Variants in FANCD2OS observed in about 807,000 individuals in gnomAD.
FANCD2OS encodes FANCD2 opposite strand protein.
A neutral mutation model predicts 13.2 loss-of-function variants in FANCD2OS; 11 were observed. The ratio of observed to expected loss-of-function variants is 0.83; its 90% CI spans 0.52 to 1.38. FANCD2OS has a LOEUF of 1.38. FANCD2OS is among the 40% of genes most tolerant of loss of function. The pLI, the probability that FANCD2OS is intolerant of heterozygous loss-of-function variation, is 0.00. For missense variants in FANCD2OS, 217 were observed against 213.9 expected (o/e 1.01, Z -0.09); for synonymous variants, 69 against 84.5 (o/e 0.82, Z 1.01).
intron 2 of FANCD2OS, chr3:10,088,329 A>G (rs1694360068): frequency 1.3e-6 from 1 of 764,054 alleles, no homozygotes; most frequent in African/African-American, 1.7e-5. Context: ...TTAGACCGGG[A>G]ACGTCTTAGT....
chr3:10,104,250 G>T lies in FANCD2OS; in HGVS notation c.525C>A (p.His175Gln). The change falls in exon 2 of 2, where the codon CAC (histidine) becomes CAA (glutamine). Residue 175 changes from histidine (H) to glutamine (Q), a missense_variant. His to Gln is a conservative substitution (Grantham distance 24). Coordinates refer to ENST00000450660, the MANE Select transcript of FANCD2OS (RefSeq NM_001164839.2). ...ATCAAATGAGGACCCTTTACTTGGA[G>T]TGCTGCAAGGCAAAGGTGCACTTTT... ...TYKKCTFALQHSK is the reference protein window; with the variant it reads ...TYKKCTFALQQSK The T allele has an allele frequency of 6.2e-7, 1 of 1,606,262 alleles. No homozygotes were observed. Among genetic ancestry groups the T allele is most frequent in the Non-Finnish European group, 8.5e-7 (1 of 1,175,564 alleles).
intron 2 of FANCD2OS, among the ~76,000 whole-genome samples, chr3:10,090,065 A>G (rs183259704): frequency 1.3e-5 from 2 of 152,312 alleles, no homozygotes; most frequent in African/African-American, 2.4e-5. Context: ...TGCTTTTTCC[A>G]TACTACCATA....
At chr3:10,086,041 G>T in intron 2 of FANCD2OS, 1 of 728,148 alleles carries the variant, frequency 1.4e-6, no homozygotes, top group East Asian at 2.6e-5. Flanking sequence ...ATTATTTTCA[G>T]CTACTCTCCT....
chr3:10,100,877 C>A (rs867730697), downstream of FANCD2OS, among the ~76,000 whole-genome samples: 2 of 151,966 alleles, frequency 1.3e-5, no homozygotes, highest in African/African-American at 4.8e-5. Flanking sequence ...TGAGACCAGC[C>A]TTGCCAATGT....
intron 2 of FANCD2OS, chr3:10,092,308 C>G: frequency 7.4e-7 from 1 of 1,355,338 alleles, no homozygotes; most frequent in Non-Finnish European, 1.1e-6. Context: ...AACCAAGTGT[C>G]CTGGCTTCCA....
At chr3:10,101,071 A>C, downstream of FANCD2OS, 1 of 799,142 alleles carries the variant, frequency 1.3e-6, no homozygotes, top group Non-Finnish European at 2.1e-6. Context: ...CCTTTAAAAA[A>C]AAAAAAAAGT....
downstream of FANCD2OS, among the ~76,000 whole-genome samples, chr3:10,100,521 G>A (rs568224246): frequency 1.3e-5 from 2 of 152,270 alleles, no homozygotes; most frequent in South Asian, 4.1e-4. Flanking sequence ...ACAGGTGCCT[G>A]CAACCATGCC....
chr3:10,101,241 G>A (rs778969666), downstream of FANCD2OS: 2 of 1,612,754 alleles, frequency 1.2e-6, no homozygotes, highest in Non-Finnish European at 1.7e-6. Flanking sequence ...ATAGTGATGA[G>A]AGTTATGATG....
At chr3:10,086,447 G>A (rs1694207919) in intron 2 of FANCD2OS, among the ~76,000 whole-genome samples, 1 of 152,094 alleles carries the variant, frequency 6.6e-6, no homozygotes, top group African/African-American at 2.4e-5. Flanking sequence ...CACTGGGTCA[G>A]CAGTCAGTGC....
intron 2 of FANCD2OS, among the ~76,000 whole-genome samples, chr3:10,082,769 A>T (rs1370525259): frequency 6.6e-6 from 1 of 152,066 alleles, no homozygotes; most frequent in Non-Finnish European, 1.5e-5. Flanking sequence ...TCGTGATAAA[A>T]CTTAATCTCA....
chr3:10,104,586 G>T lies in FANCD2OS; in HGVS notation c.189C>A (p.Phe63Leu), dbSNP rs747720290. ...QEVTLVLDSP[F>L]LESGVSPKLP... Reference sequence around the variant, plus strand: ...ACTTGGGACTCACTCCAGATTCCAGGAATGGGCTGTCTAGGACTAGAGTGA... The same window carrying T: ...ACTTGGGACTCACTCCAGATTCCAGTAATGGGCTGTCTAGGACTAGAGTGA... The change falls in exon 2 of 2, where the codon TTC becomes TTA. Residue 63 changes from phenylalanine (F) to leucine (L), a missense_variant. Phe to Leu is a conservative substitution (Grantham distance 22, BLOSUM62 0). Transcript: ENST00000450660. 1 of 1,614,070 alleles carries T rather than the reference G, an allele frequency of 6.2e-7. No individual in the cohort carries two copies. Among genetic ancestry groups the T allele is most frequent in the African/African-American group, 1.3e-5 (1 of 74,928 alleles).
chr3:10,083,794 AG>A (rs1693994927), intron 2 of FANCD2OS: 1 of 149,282 alleles, frequency 6.7e-6, no homozygotes, highest in Non-Finnish European at 1.5e-5. Flanking sequence ...AGGCTGAGGC[AG>A]GAGAATGGCC....
intron 2 of FANCD2OS, chr3:10,095,355 A>G (rs1694891844): frequency 5.4e-6 from 6 of 1,114,942 alleles, no homozygotes; most frequent in African/African-American, 4.6e-5. Context: ...ATGGGCTACC[A>G]TCCTTCTTCC....
At chr3:10,103,223 AG>A (rs1168427892), downstream of FANCD2OS, 2 of 308,088 alleles carry the variant, frequency 6.5e-6, no homozygotes, top group Non-Finnish European at 1.3e-5. Context: ...ACCAGCCTGG[AG>A]AAACCCTGTC....
intron 2 of FANCD2OS, among the ~76,000 whole-genome samples, chr3:10,087,880 C>G (rs1230402890): frequency 1.3e-5 from 2 of 152,114 alleles, no homozygotes; most frequent in Non-Finnish European, 1.5e-5. Context: ...AACTCCTGAC[C>G]TCGTGATCCA....
chr3:10,086,282 C>G (rs114848937), intron 2 of FANCD2OS, among the ~76,000 whole-genome samples: 19 of 152,324 alleles, frequency 1.2e-4, no homozygotes, highest in African/African-American at 4.6e-4. Context: ...TAGCCTGTTT[C>G]TTTCCCCTTG....
intron 2 of FANCD2OS, among the ~76,000 whole-genome samples, chr3:10,088,208 G>A (rs1694350103): frequency 6.6e-6 from 1 of 152,152 alleles, no homozygotes; most frequent in Non-Finnish European, 1.5e-5. Context: ...GCATGTTTGT[G>A]TGTTTCAAGA....
chr3:10,099,484 G>C, downstream of FANCD2OS: 1 of 314,908 alleles, frequency 3.2e-6, no homozygotes, highest in Non-Finnish European at 5.0e-6. Flanking sequence ...ATAAACCTGG[G>C]TGCGGTGGCT....
downstream of FANCD2OS, among the ~76,000 whole-genome samples, chr3:10,097,920 G>T (rs1012023755): frequency 6.6e-6 from 1 of 152,152 alleles, no homozygotes; most frequent in African/African-American, 2.4e-5. Context: ...GGCTTCAGCC[G>T]GTCCCTCCGT....
Sources: gnomAD v4.1 joint callset for allele counts (sites outside exome capture counted in the v4.1 genomes callset) on GRCh38, gnomAD v4.1.1 for gene constraint, MANE v1.5 for transcripts, NCBI Gene and HGNC (gene_info 2026-07-23, HGNC 2026-07-21) for gene names.